CREB5: variants seen among roughly 807,000 people sequenced by gnomAD.
CREB5 encodes the protein cyclic AMP-responsive element-binding protein 5.
CREB5 carries 19 observed loss-of-function variants against 57.1 expected under a neutral mutation model. That is an observed-to-expected ratio of 0.33 (90% CI 0.23 to 0.49). The LOEUF is 0.49. CREB5 is among the 20% of genes least tolerant of loss of function. CREB5 has a pLI of 0.99. For synonymous variants in CREB5, 238 were observed against 238.3 expected, an observed-to-expected ratio of 1.00 and a Z score of 0.01; for missense variants, 579 against 671.6, an observed-to-expected ratio of 0.86 and a Z score of 1.52.
intron 1 of CREB5, among the ~76,000 whole-genome samples, chr7:28,465,820 C>T (rs531620373): frequency 8.5e-5 from 13 of 152,226 alleles, no homozygotes; most frequent in African/African-American, 2.6e-4. Context: ...AATAATCTTT[C>T]GCATGAGTGT....
At chr7:28,640,074 A>G (rs1798588849) in intron 5 of CREB5, among the ~76,000 whole-genome samples, 1 of 152,162 alleles carries the variant, frequency 6.6e-6, no homozygotes, top group African/African-American at 2.4e-5. Context: ...TGTTAACCTT[A>G]GTTACCTGCT....
At chr7:28,547,768 G>C (rs73079834) in intron 4 of CREB5, among the ~76,000 whole-genome samples, 1 of 152,184 alleles carries the variant, frequency 6.6e-6, no homozygotes, top group Non-Finnish European at 1.5e-5. Context: ...GACATCTCTC[G>C]CATTGTCATC....
chr7:28,592,618 A>C (rs1219039606), intron 5 of CREB5, among the ~76,000 whole-genome samples: 1 of 152,192 alleles, frequency 6.6e-6, no homozygotes, highest in Non-Finnish European at 1.5e-5. Flanking sequence ...CTAAGTTTGC[A>C]GAGGTCAAGA....
chr7:28,306,689 T>G (rs1785195347), intron 1 of CREB5, among the ~76,000 whole-genome samples: 1 of 150,392 alleles, frequency 6.6e-6, no homozygotes, highest in Non-Finnish European at 1.5e-5. Flanking sequence ...GCCTCCCGAG[T>G]AGCTGGGACT....
chr7:28,813,892 TGAA>T (rs1809270683), intron 9 of CREB5, among the ~76,000 whole-genome samples: 1 of 151,954 alleles, frequency 6.6e-6, no homozygotes, highest in Admixed American at 6.5e-5. Context: ...AATGAAAAAA[TGAA>T]GAGTTGATTT....
intron 5 of CREB5, among the ~76,000 whole-genome samples, chr7:28,627,900 G>A (rs1798063173): frequency 6.6e-6 from 1 of 152,082 alleles, no homozygotes. Context: ...TATTGTTATG[G>A]TGTGAGGCTG....
chr7:28,362,102 T>C (rs1013311011), intron 1 of CREB5, among the ~76,000 whole-genome samples: 2 of 152,210 alleles, frequency 1.3e-5, no homozygotes, highest in African/African-American at 4.8e-5. Flanking sequence ...TTCTCAGAAG[T>C]ACATAGTATA....
intron 5 of CREB5, among the ~76,000 whole-genome samples, chr7:28,702,104 G>T (rs1273689208): frequency 1.3e-5 from 2 of 152,162 alleles, no homozygotes; most frequent in African/African-American, 4.8e-5. Flanking sequence ...ATAACAGAAG[G>T]TCTTTTTTCA....
chr7:28,368,915 G>A (rs1402914487), intron 1 of CREB5, among the ~76,000 whole-genome samples: 1 of 152,084 alleles, frequency 6.6e-6, no homozygotes, highest in Non-Finnish European at 1.5e-5. Context: ...GCATGGTAGT[G>A]CACACCTGTA....
intron 5 of CREB5, among the ~76,000 whole-genome samples, chr7:28,649,837 C>T (rs1799055343): frequency 6.6e-6 from 1 of 152,128 alleles, no homozygotes; most frequent in Non-Finnish European, 1.5e-5. Context: ...TCATTATTAT[C>T]TCATATGAAA....
intron 5 of CREB5, among the ~76,000 whole-genome samples, chr7:28,663,328 C>G (rs34746181): frequency 0.037 from 5,655 of 151,930 alleles, 146 homozygotes; most frequent in Middle Eastern, 0.051. Flanking sequence ...TCTCAGCCTC[C>G]CAAGTAGCTG....
intron 5 of CREB5, among the ~76,000 whole-genome samples, chr7:28,591,509 T>C (rs1434380109): frequency 6.6e-6 from 1 of 152,170 alleles, no homozygotes; most frequent in Non-Finnish European, 1.5e-5. Context: ...ACGGAGGAAG[T>C]TCAGCTCTTC....
intron 5 of CREB5, among the ~76,000 whole-genome samples, chr7:28,648,332 A>G (rs1798971590): frequency 6.6e-6 from 1 of 152,128 alleles, no homozygotes; most frequent in African/African-American, 2.4e-5. Flanking sequence ...TTTAGCCTTT[A>G]AAAAAAGAGT....
At chr7:28,647,744 G>A (rs1273149810) in intron 5 of CREB5, among the ~76,000 whole-genome samples, 2 of 152,242 alleles carry the variant, frequency 1.3e-5, no homozygotes, top group East Asian at 3.9e-4. Context: ...TGGAAATGTG[G>A]CTGGTGCAAC....
At chr7:28,456,354 G>T (rs1367631211) in intron 1 of CREB5, among the ~76,000 whole-genome samples, 1 of 152,192 alleles carries the variant, frequency 6.6e-6, no homozygotes, top group East Asian at 1.9e-4. Flanking sequence ...TTTCCAGCAG[G>T]CATTTGCTGG....
chr7:28,706,840 A>G (rs1183973308), intron 5 of CREB5, among the ~76,000 whole-genome samples: 2 of 152,084 alleles, frequency 1.3e-5, no homozygotes, highest in Non-Finnish European at 2.9e-5. Flanking sequence ...AGAAATCAGG[A>G]TAGTGTTTCA....
In CREB5 at chr7:28,495,015, G is replaced by C. The variant is rs760887381; in HGVS notation, c.169+16G>C. 2 of 1,564,472 alleles carry C rather than the reference G, an allele frequency of 1.3e-6. No homozygotes were observed. The highest frequency in any genetic ancestry group is 4.0e-5 in the Admixed American group (2 of 49,426). On this transcript the variant is annotated intron_variant, in intron 3 of 10. Transcript: ENST00000357727. Reference sequence around the variant, plus strand: ...ATGTTATCAGGTAAGGAGCCATCAGGAAAAGAAGCTTTGGGTGATCAGATC... The same window carrying C: ...ATGTTATCAGGTAAGGAGCCATCAGCAAAAGAAGCTTTGGGTGATCAGATC...
At chr7:28,813,549 T>C (rs1303491785) in intron 9 of CREB5, among the ~76,000 whole-genome samples, 1 of 152,216 alleles carries the variant, frequency 6.6e-6, no homozygotes, top group African/African-American at 2.4e-5. Context: ...TGGTCTCAGC[T>C]AATCTACCAA....
Position 28,643,332 on chromosome 7 carries a change from G to A in CREB5, c.464+72795G>A, listed in dbSNP as rs971159085. Among the ~76,000 whole-genome samples, 9 of 152,240 alleles carry A rather than the reference G, an allele frequency of 5.9e-5. No homozygotes were observed. The South Asian group carries it at 6.2e-4, about 11-fold the overall frequency. On this transcript the variant is annotated intron_variant, in intron 5 of 10. Coordinates refer to ENST00000357727, the MANE Select transcript of CREB5 (RefSeq NM_182898.4). Reference sequence around the variant, plus strand: ...TAGGGCATATTTGTCCAAGGTCACCGACAGGGTGAATTATATGGGTCAAAT... The same window carrying A: ...TAGGGCATATTTGTCCAAGGTCACCAACAGGGTGAATTATATGGGTCAAAT...
Sources: gnomAD v4.1 joint callset for allele counts (sites outside exome capture counted in the v4.1 genomes callset) on GRCh38, gnomAD v4.1.1 for gene constraint, MANE v1.5 for transcripts, NCBI Gene and HGNC (gene_info 2026-07-23, HGNC 2026-07-21) for gene names.